Variants in WASF2 observed in about 807,000 individuals in gnomAD.
WASF2 encodes actin-binding protein WASF2.
WASF2 carries 14 observed loss-of-function variants against 45.0 expected under a neutral mutation model. The observed-to-expected ratio is 0.31, with a 90% CI of 0.21 to 0.49. WASF2 has a LOEUF of 0.49. WASF2 is among the 20% of genes least tolerant of loss of function. WASF2 has a pLI of 0.99. For missense variants in WASF2, 439 were observed against 636.1 expected (o/e 0.69, Z 3.33); for synonymous variants, 200 against 236.3 (o/e 0.85, Z 1.41).
chr1:27,412,476 G>T, intron 7 of WASF2, 96 bp downstream of exon 7: 1 of 1,525,108 alleles, frequency 6.6e-7, no homozygotes, highest in Non-Finnish European at 9.0e-7. Context: ...CTCCCAAAGA[G>T]CTGGGATTAC....
Position 27,470,540 on chromosome 1 carries a change from C to T in WASF2, c.-44+19446G>A, listed in dbSNP as rs144138728. 2.5e-3 allele frequency among the ~76,000 whole-genome samples: 382 copies of T among 151,942 alleles called. 2 individuals carry two copies. The highest frequency in any genetic ancestry group is 9.0e-3 in the African/African-American group (373 of 41,416). On this transcript the variant is annotated intron_variant, in intron 1 of 8. Transcript: ENST00000618852. Reference sequence around the variant, plus strand: ...TGGATGAACTGGGAGAATGGTGGGGCCAATGTTTAGCATGTTGGCAGACCT... The same window carrying T: ...TGGATGAACTGGGAGAATGGTGGGGTCAATGTTTAGCATGTTGGCAGACCT...
intron 2 of WASF2, among the ~76,000 whole-genome samples, chr1:27,427,189 T>G (rs1395044382): frequency 6.6e-6 from 1 of 152,206 alleles, no homozygotes; most frequent in Non-Finnish European, 1.5e-5. Flanking sequence ...AAATCTTGTT[T>G]CCTTGGGCAT....
chr1:27,471,273 A>G (rs1294769395), intron 1 of WASF2, among the ~76,000 whole-genome samples: 1 of 140,368 alleles, frequency 7.1e-6, no homozygotes, highest in East Asian at 2.2e-4. Context: ...TGAACCCGGG[A>G]GGCGGAGCTT....
chr1:27,408,359 A>G lies in WASF2; in HGVS notation c.1340-13T>C, dbSNP rs780869611. Reference sequence around the variant, plus strand: ...CGCAGCTGAAAACCTAGTGGCAAAGAGACAGAAGGGTGAGGAAGGCGTGTC... The same window carrying G: ...CGCAGCTGAAAACCTAGTGGCAAAGGGACAGAAGGGTGAGGAAGGCGTGTC... On this transcript the variant is annotated splice_polypyrimidine_tract_variant and intron_variant, in intron 8 of 8. Coordinates refer to ENST00000618852, the MANE Select transcript of WASF2 (RefSeq NM_006990.5). 1.2e-6 allele frequency: 2 copies of G among 1,614,166 alleles called. No individual in the cohort carries two copies. The highest frequency in any genetic ancestry group is 2.2e-5 in the East Asian group (1 of 44,886).
chr1:27,408,434 TG>T (rs2016710415), intron 8 of WASF2, 88 bp from the exon 9 acceptor site: 5 of 1,530,624 alleles, frequency 3.3e-6, no homozygotes, highest in South Asian at 1.2e-5. Flanking sequence ...TGGCCACCAA[TG>T]GGTAAGTGGT....
chr1:27,456,351 G>A (rs955724305), intron 1 of WASF2, among the ~76,000 whole-genome samples: 26 of 148,402 alleles, frequency 1.8e-4, no homozygotes, highest in African/African-American at 6.2e-4. Flanking sequence ...ACAATGGAAA[G>A]GTTCTTTCTG....
Position 27,422,618 on chromosome 1 carries a change from C to CAAAAAA in WASF2, c.131-3536_131-3531dup, listed in dbSNP as rs782035111. 2.3e-5 allele frequency among the ~76,000 whole-genome samples: 3 copies of CAAAAAA among 128,842 alleles called. 1 individual carries two copies. Among genetic ancestry groups the CAAAAAA allele is most frequent in the Non-Finnish European group, 3.2e-5 (2 of 62,520 alleles). 84.5% of individuals were successfully genotyped at this position (128,842 alleles called of 152,430 possible). A position where few individuals can be genotyped will look rare whatever the true frequency, so the allele number is the denominator to read the frequency against. ...TGGGTGACAGAGCAAGACTCCGTCTCAAAAAAAAAAAAAAAAAAGAAAATT... is the reference window on the plus strand; with the variant it reads ...TGGGTGACAGAGCAAGACTCCGTCTCAAAAAAAAAAAAAAAAAAAAAAAAGAAAATT... On this transcript the variant is annotated intron_variant, in intron 2 of 8. Coordinates refer to ENST00000618852, the MANE Select transcript of WASF2 (RefSeq NM_006990.5).
intron 1 of WASF2, among the ~76,000 whole-genome samples, chr1:27,472,521 C>A (rs904311966): frequency 2.0e-5 from 3 of 151,264 alleles, no homozygotes; most frequent in South Asian, 2.1e-4. Context: ...ATAGTTCCAG[C>A]CACTTGGAAG....
At chr1:27,452,610 A>G (rs1033971419) in intron 1 of WASF2, among the ~76,000 whole-genome samples, 1 of 151,658 alleles carries the variant, frequency 6.6e-6, no homozygotes, top group Non-Finnish European at 1.5e-5. Flanking sequence ...TGAGGTCAGG[A>G]GTTCGAGACC....
intron 1 of WASF2, among the ~76,000 whole-genome samples, chr1:27,473,546 G>A (rs1322179478): frequency 6.6e-6 from 1 of 150,620 alleles, no homozygotes; most frequent in Non-Finnish European, 1.5e-5. Context: ...GGTATTGGAA[G>A]AAACAACACA....
chr1:27,423,775 T>TGA (rs10584025), intron 2 of WASF2, among the ~76,000 whole-genome samples: 47,247 of 152,064 alleles, frequency 0.31, 8,949 homozygotes, highest in Non-Finnish European at 0.41. Context: ...ACACTTCAAA[T>TGA]GAAATGTTAC....
intron 1 of WASF2, among the ~76,000 whole-genome samples, chr1:27,464,720 A>G (rs768871046): frequency 6.6e-6 from 1 of 152,058 alleles, no homozygotes. Flanking sequence ...GCTTACTTTT[A>G]TATTTATTTA....
At chr1:27,438,787 T>A (rs1383557794) in intron 1 of WASF2, among the ~76,000 whole-genome samples, 5 of 152,176 alleles carry the variant, frequency 3.3e-5, no homozygotes, top group African/African-American at 1.2e-4. Context: ...CAAATTGCCA[T>A]GCAATTCCAT....
chr1:27,440,408 G>A (rs542965546), intron 1 of WASF2, among the ~76,000 whole-genome samples: 1 of 152,182 alleles, frequency 6.6e-6, no homozygotes, highest in East Asian at 1.9e-4. Flanking sequence ...TGTAGTCTCA[G>A]CTACTCAGGA....
chr1:27,489,108 T>C (rs966539591), intron 1 of WASF2, among the ~76,000 whole-genome samples: 3 of 151,846 alleles, frequency 2.0e-5, no homozygotes, highest in Admixed American at 6.6e-5. Context: ...TATTAAAACT[T>C]TCCCTCTCAG....
chr1:27,474,934 A>ATTT (rs1282743223), intron 1 of WASF2, among the ~76,000 whole-genome samples: 1 of 152,018 alleles, frequency 6.6e-6, no homozygotes, highest in African/African-American at 2.4e-5. Flanking sequence ...CCTAGGTGAC[A>ATTT]GAGTGGGATC....
chr1:27,475,560 T>C (rs2017754452), intron 1 of WASF2, among the ~76,000 whole-genome samples: 1 of 152,190 alleles, frequency 6.6e-6, no homozygotes, highest in Non-Finnish European at 1.5e-5. Context: ...CCTCTATTAC[T>C]CTCTATTATA....
chr1:27,448,128 T>C (rs1298216333), intron 1 of WASF2, among the ~76,000 whole-genome samples: 1 of 152,220 alleles, frequency 6.6e-6, no homozygotes, highest in Non-Finnish European at 1.5e-5. Context: ...AGAAAGTCCT[T>C]TTTTGAGCCT....
At chr1:27,429,079 T>G in intron 1 of WASF2, 146 bp from the exon 2 acceptor site, 1 of 745,766 alleles carries the variant, frequency 1.3e-6, no homozygotes, top group South Asian at 2.0e-5. Context: ...ATCTTTTTTT[T>G]TCTTTCATTT....
Sources: gnomAD v4.1 joint callset for allele counts (sites outside exome capture counted in the v4.1 genomes callset) on GRCh38, gnomAD v4.1.1 for gene constraint, MANE v1.5 for transcripts, NCBI Gene and HGNC (gene_info 2026-07-23, HGNC 2026-07-21) for gene names.